ASB15: variants seen among roughly 807,000 people sequenced by gnomAD.
The protein encoded by ASB15 is ankyrin repeat and SOCS box containing 15, also known as ankyrin repeat and SOCS box protein 15.
A neutral mutation model predicts 58.0 loss-of-function variants in ASB15; 54 were observed. The observed-to-expected ratio is 0.93, with a 90% CI of 0.75 to 1.17. ASB15 has a LOEUF of 1.17. Among genes scored for constraint, ASB15 ranks in the 50% most tolerant of loss-of-function variants. The pLI is 0.00. For synonymous variants in ASB15, 249 were observed against 262.4 expected (o/e 0.95, Z 0.50); for missense variants, 680 against 707.4 (o/e 0.96, Z 0.44).
intron 7 of ASB15, among the ~76,000 whole-genome samples, chr7:123,620,503 CATACATATATATATATATAT>C (rs1272770459): frequency 0.011 from 576 of 53,040 alleles, 27 homozygotes; most frequent in African/African-American, 0.044. Flanking sequence ...GACACATATA[CATACATATATATATATATAT>C]ATATATATAT....
At chr7:123,569,209 C>T (rs372535879) in intron 1 of ASB15, among the ~76,000 whole-genome samples, 2 of 152,126 alleles carry the variant, frequency 1.3e-5, no homozygotes, top group African/African-American at 4.8e-5. Flanking sequence ...GCTAAAGAGA[C>T]AGACGTAAAT....
At chr7:123,616,580 T>C in intron 6 of ASB15, 85 bp downstream of exon 6, 3 of 1,386,410 alleles carry the variant, frequency 2.2e-6, no homozygotes, top group South Asian at 2.7e-5. Context: ...TGAACATAAC[T>C]AGCAGAAAGA....
chr7:123,609,612 AG>A (rs1800330038), intron 3 of ASB15, among the ~76,000 whole-genome samples: 1 of 152,218 alleles, frequency 6.6e-6, no homozygotes, highest in Non-Finnish European at 1.5e-5. Flanking sequence ...GTGTGAGGGT[AG>A]GTGGGGAAAA....
chr7:123,597,630 G>A (rs760883542), upstream of ASB15, among the ~76,000 whole-genome samples: 1 of 151,990 alleles, frequency 6.6e-6, no homozygotes, highest in Admixed American at 6.6e-5. Flanking sequence ...TCAGGAGTTC[G>A]AGACCAGCTT....
At chr7:123,600,926 G>A (rs553557245), upstream of ASB15, among the ~76,000 whole-genome samples, 6 of 152,254 alleles carry the variant, frequency 3.9e-5, no homozygotes, top group South Asian at 1.2e-3. Flanking sequence ...CAGGAAAAAG[G>A]GAAGAATCAC....
rs2116614694 is a variant in ASB15 at position 123,624,455 on chromosome 7, A to G, written c.452-114A>G. On this transcript the variant is annotated intron_variant, in intron 7 of 11. Transcript: ENST00000451215. The stretch of plus-strand genomic sequence containing the variant: ...GAGAAATACATTATTTTCCTTGTAG[A>G]AAAAAAGTTACTAGCTAGTATCTAT... 4 of 1,002,382 alleles carry G rather than the reference A, an allele frequency of 4.0e-6. 1 individual carries two copies. In the South Asian group the frequency reaches 5.0e-5, roughly 12 times the overall value. The allele number at this position is 1,002,382 out of a possible 1,614,324, so 62.1% of individuals were successfully genotyped here.
chr7:123,611,048 A>T (rs949911268), intron 3 of ASB15, among the ~76,000 whole-genome samples: 8 of 138,264 alleles, frequency 5.8e-5, no homozygotes, highest in African/African-American at 1.9e-4. Context: ...GTGCCGTTTC[A>T]CTCCAACCTG....
At chr7:123,621,116 C>T (rs1801293190) in intron 7 of ASB15, among the ~76,000 whole-genome samples, 1 of 152,082 alleles carries the variant, frequency 6.6e-6, no homozygotes, top group African/African-American at 2.4e-5. Context: ...TTCTTTAATG[C>T]TTAAGGCCTA....
At chr7:123,588,995 C>T (rs1477855440) in intron 1 of ASB15, among the ~76,000 whole-genome samples, 1 of 151,640 alleles carries the variant, frequency 6.6e-6, no homozygotes, top group Non-Finnish European at 1.5e-5. Flanking sequence ...CATGATCTAT[C>T]CTGGAGAATA....
At position 123,629,186 on chromosome 7, in the gene ASB15, C is replaced by G. The variant is rs763088488; in HGVS notation, c.1192C>G (p.Leu398Val). 3.1e-6 allele frequency: 5 copies of G among 1,613,770 alleles called. No individual in the cohort carries two copies. Among genetic ancestry groups the G allele is most frequent in the Non-Finnish European group, 4.2e-6 (5 of 1,179,776 alleles). ...VRANNYEIVR[L>V]LLSHGANVNC... ...GGCCAATAATTATGAAATTGTCAGG[C>G]TGCTTCTCTCCCATGGAGCTAATGT... Residue 398 changes from leucine (L) to valine (V), a missense_variant, in exon 10 of 12, where the codon CTG becomes GTG. Leu to Val is a conservative substitution (Grantham distance 32). Transcript: ENST00000451215.
At chr7:123,594,097 T>G (rs2116372232) in intron 1 of ASB15, among the ~76,000 whole-genome samples, 1 of 152,228 alleles carries the variant, frequency 6.6e-6, no homozygotes, top group Non-Finnish European at 1.5e-5. Context: ...GTATGCTTCA[T>G]GCAGTTCTCG....
rs759506891 is a variant in ASB15 at position 123,617,641 on chromosome 7, G to C, written c.355G>C (p.Val119Leu). The C allele has an allele frequency of 9.1e-5, 146 of 1,610,366 alleles. No individual in the cohort carries two copies. The highest frequency in any genetic ancestry group is 1.2e-4 in the Non-Finnish European group (139 of 1,176,644). The stretch of plus-strand genomic sequence containing the variant: ...TGGAGAAACACCCTTGACTTTGGCA[G>C]TCAAAGCTGGTCTGGTGGAAAATGT... ...CDGETPLTLAVKAGLVENVRT... is the reference protein window; with the variant it reads ...CDGETPLTLALKAGLVENVRT... Residue 119 changes from valine to leucine, a missense_variant, in exon 7 of 12, where the codon GTC (valine) becomes CTC (leucine). Physicochemically the swap from Val to Leu is conservative, Grantham distance 32. Coordinates refer to ENST00000451215, the MANE Select transcript of ASB15 (RefSeq NM_001290258.2).
chr7:123,573,107 AC>A (rs1798960988), intron 1 of ASB15, among the ~76,000 whole-genome samples: 1 of 152,014 alleles, frequency 6.6e-6, no homozygotes, highest in Non-Finnish European at 1.5e-5. Context: ...CCCTGAAATC[AC>A]CTCTTCCATG....
intron 2 of ASB15, among the ~76,000 whole-genome samples, chr7:123,608,238 G>A (rs866923170): frequency 4.6e-5 from 7 of 152,198 alleles, no homozygotes; most frequent in Non-Finnish European, 8.8e-5. Flanking sequence ...GCATCAATCA[G>A]TAAAGCCCCA....
In ASB15 at chr7:123,578,262, T is replaced by G. The variant is rs529817276; in HGVS notation, c.-443+11174T>G. Among the ~76,000 whole-genome samples, 3 of 151,060 alleles carry G rather than the reference T, an allele frequency of 2.0e-5. No homozygotes were observed. The South Asian group carries it at 6.3e-4, about 32-fold the overall frequency. On this transcript the variant is annotated intron_variant, in intron 1 of 13. Coordinates refer to the ASB15 transcript ENST00000451558. ...TATTTTGTATCAGTTGGAAAAAAAA[T>G]GACAAAATTCATCTAAAGCCTCTTG...
At chr7:123,567,498 A>G (rs1280260198) in intron 1 of ASB15, among the ~76,000 whole-genome samples, 1 of 152,234 alleles carries the variant, frequency 6.6e-6, no homozygotes, top group Non-Finnish European at 1.5e-5. Context: ...TGGAAGAGTT[A>G]GGACTTCCTA....
At chr7:123,588,391 G>T (rs1799434102) in intron 1 of ASB15, among the ~76,000 whole-genome samples, 1 of 151,256 alleles carries the variant, frequency 6.6e-6, no homozygotes, top group African/African-American at 2.4e-5. Flanking sequence ...CATTTCATTT[G>T]AATCTTCTCT....
intron 1 of ASB15, among the ~76,000 whole-genome samples, 200 bp from the exon 2 acceptor site, chr7:123,603,832 G>A (rs944909577): frequency 4.6e-5 from 7 of 152,148 alleles, no homozygotes; most frequent in Admixed American, 4.6e-4. Flanking sequence ...AGATCTTTGG[G>A]ATACTGGGGT....
intron 7 of ASB15, among the ~76,000 whole-genome samples, chr7:123,618,102 A>G (rs976391071): frequency 6.6e-6 from 1 of 152,230 alleles, no homozygotes; most frequent in African/African-American, 2.4e-5. Context: ...AAGGGATTCC[A>G]AAGGGAGACA....
Sources: allele counts gnomAD v4.1 joint callset (sites outside exome capture counted in the v4.1 genomes callset), GRCh38; gene constraint gnomAD v4.1.1; transcripts MANE v1.5; gene names NCBI Gene and HGNC (gene_info 2026-07-23, HGNC 2026-07-21).